GPATCH2: variants seen among roughly 807,000 people sequenced by gnomAD.
GPATCH2 encodes G patch domain-containing protein 2.
Under a neutral mutation model 58.0 loss-of-function variants are expected in GPATCH2, and 51 were observed. The observed-to-expected ratio is 0.88, with a 90% CI of 0.70 to 1.11. The LOEUF (loss-of-function observed/expected upper bound fraction) is 1.11, where lower values mean the gene tolerates loss of function less well. Among genes scored for constraint, GPATCH2 ranks in the 50% most tolerant of loss-of-function variants. The pLI, the probability that GPATCH2 is intolerant of heterozygous loss-of-function variation, is 0.00. For missense variants in GPATCH2, 625 were observed against 652.2 expected (o/e 0.96, Z 0.45); for synonymous variants, 222 against 218.5 (o/e 1.02, Z -0.14).
chr1:217,595,449 A>C, intron 5 of GPATCH2, among the ~76,000 whole-genome samples: 1 of 152,086 alleles, frequency 6.6e-6, no homozygotes, highest in East Asian at 1.9e-4. Flanking sequence ...TATTCTGAGA[A>C]TTTTAATTTG....
At chr1:217,600,558 A>C (rs1157838279) in intron 5 of GPATCH2, among the ~76,000 whole-genome samples, 1 of 152,164 alleles carries the variant, frequency 6.6e-6, no homozygotes, top group Non-Finnish European at 1.5e-5. Flanking sequence ...GAAAACCGAA[A>C]TTTATAGACC....
At chr1:217,497,484 G>GT (rs1207190671) in intron 7 of GPATCH2, among the ~76,000 whole-genome samples, 1 of 152,122 alleles carries the variant, frequency 6.6e-6, no homozygotes, top group Non-Finnish European at 1.5e-5. Context: ...AAAATGAAGT[G>GT]TGTAGCACCT....
chr1:217,476,235 AGTGTGTGTGT>A (rs60995546), intron 8 of GPATCH2, among the ~76,000 whole-genome samples: 5 of 146,286 alleles, frequency 3.4e-5, no homozygotes, highest in African/African-American at 1.0e-4. Flanking sequence ...TCCAGATATG[AGTGTGTGTGT>A]GTGTGTGTGT....
intron 5 of GPATCH2, among the ~76,000 whole-genome samples, chr1:217,580,995 G>A (rs1264838193): frequency 7.5e-6 from 1 of 133,698 alleles, no homozygotes; most frequent in African/African-American, 2.9e-5. Flanking sequence ...CAGCCTGGGC[G>A]ACAGAGCGAG....
At chr1:217,519,317 CTGTT>C (rs1009012721) in intron 5 of GPATCH2, among the ~76,000 whole-genome samples, 68 of 152,262 alleles carry the variant, frequency 4.5e-4, no homozygotes, top group Admixed American at 3.3e-3. Context: ...AAAGCACAAT[CTGTT>C]TGGGGATGAG....
At chr1:217,597,903 T>C (rs983315613) in intron 5 of GPATCH2, among the ~76,000 whole-genome samples, 1 of 152,330 alleles carries the variant, frequency 6.6e-6, no homozygotes. Flanking sequence ...AAGCCCTGCA[T>C]CTGCACACTA....
At chr1:217,577,326 T>C (rs12142562) in intron 5 of GPATCH2, among the ~76,000 whole-genome samples, 24,153 of 152,190 alleles carry the variant, frequency 0.16, 2,436 homozygotes, top group Non-Finnish European at 0.22. Context: ...GGCAGTATAC[T>C]GTAATATTTA....
At chr1:217,513,853 C>T (rs896675311) in intron 6 of GPATCH2, among the ~76,000 whole-genome samples, 2 of 149,108 alleles carry the variant, frequency 1.3e-5, no homozygotes, top group Non-Finnish European at 3.0e-5. Flanking sequence ...AGATGGGAGT[C>T]TCACCCTGTT....
intron 1 of GPATCH2, among the ~76,000 whole-genome samples, chr1:217,629,089 T>G (rs924674607): frequency 1.3e-5 from 2 of 152,132 alleles, no homozygotes; most frequent in African/African-American, 2.4e-5. Flanking sequence ...TGGCACCTAA[T>G]TAACTGCTTA....
chr1:217,538,762 A>T (rs1664593820), intron 5 of GPATCH2, among the ~76,000 whole-genome samples: 1 of 152,108 alleles, frequency 6.6e-6, no homozygotes, highest in Non-Finnish European at 1.5e-5. Context: ...AAATATATAC[A>T]CCAATAGACT....
At chr1:217,605,013 G>A (rs956486675) in intron 5 of GPATCH2, among the ~76,000 whole-genome samples, 2 of 151,684 alleles carry the variant, frequency 1.3e-5, no homozygotes, top group Admixed American at 1.3e-4. Flanking sequence ...AACAGAGCAA[G>A]GCTCTGTCTC....
At chr1:217,526,525 T>C (rs768727025) in intron 5 of GPATCH2, among the ~76,000 whole-genome samples, 2 of 152,194 alleles carry the variant, frequency 1.3e-5, no homozygotes, top group Admixed American at 6.5e-5. Flanking sequence ...AAAATATTAG[T>C]TAACAAATAG....
intron 5 of GPATCH2, among the ~76,000 whole-genome samples, chr1:217,541,216 G>T (rs962091998): frequency 1.3e-5 from 2 of 152,136 alleles, no homozygotes; most frequent in African/African-American, 4.8e-5. Context: ...CTAAAGAAAA[G>T]CAAAATCATT....
intron 9 of GPATCH2, among the ~76,000 whole-genome samples, chr1:217,441,355 A>G (rs975063629): frequency 7.9e-5 from 11 of 138,946 alleles, no homozygotes; most frequent in African/African-American, 3.2e-4. Flanking sequence ...AAAAATTAAG[A>G]TGGATTAAGA....
At chr1:217,583,426 C>T (rs12029199) in intron 5 of GPATCH2, among the ~76,000 whole-genome samples, 37,727 of 151,330 alleles carry the variant, frequency 0.25, 4,973 homozygotes, top group East Asian at 0.4. Context: ...AAAAATTAGC[C>T]GGGTGGTGGT....
intron 9 of GPATCH2, among the ~76,000 whole-genome samples, chr1:217,435,573 A>G (rs1481718229): frequency 1.3e-5 from 2 of 152,186 alleles, no homozygotes; most frequent in African/African-American, 4.8e-5. Flanking sequence ...CTCTGTCCCT[A>G]TCTTGTATTC....
intron 1 of GPATCH2, among the ~76,000 whole-genome samples, chr1:217,629,219 CCAGATAGTCATA>C (rs374521580): frequency 0.016 from 1,663 of 101,734 alleles, 26 homozygotes; most frequent in African/African-American, 0.047. Flanking sequence ...TTTTTACATT[CCAGATAGTCATA>C]CAGATAGTCA....
At chr1:217,515,328 C>A (rs535848850) in intron 5 of GPATCH2, among the ~76,000 whole-genome samples, 2 of 152,098 alleles carry the variant, frequency 1.3e-5, no homozygotes, top group East Asian at 3.9e-4. Flanking sequence ...GATCTCCTGC[C>A]CTCGTGATCT....
Position 217,508,576 on chromosome 1 carries a change from T to C in GPATCH2, c.1166+6246A>G, listed in dbSNP as rs182133909. 4.0e-3 allele frequency among the ~76,000 whole-genome samples: 614 copies of C among 152,278 alleles called. 7 individuals are homozygous for C. The highest frequency in any genetic ancestry group is 0.014 in the African/African-American group (588 of 41,570). On this transcript the variant is annotated intron_variant, in intron 6 of 9. Coordinates refer to ENST00000366935, the MANE Select transcript of GPATCH2 (RefSeq NM_018040.5). ...ATTGGAAAAAGAAAGGAAAACTTTC[T>C]GGAACCATGTACAGAGTACATAAAT...
Sources: gnomAD v4.1 joint callset for allele counts (sites outside exome capture counted in the v4.1 genomes callset) on GRCh38, gnomAD v4.1.1 for gene constraint, MANE v1.5 for transcripts, NCBI Gene and HGNC (gene_info 2026-07-23, HGNC 2026-07-21) for gene names.